KIAA1958: variants seen among roughly 807,000 people sequenced by gnomAD.
KIAA1958 encodes KIAA1958.
In KIAA1958, 14 loss-of-function variants were observed where a neutral mutation model predicts 47.2. The observed-to-expected ratio is 0.30, with a 90% confidence interval of 0.20 to 0.46. The LOEUF is 0.46. KIAA1958 is among the 20% of genes least tolerant of loss of function. The pLI is 1.00. For missense variants in KIAA1958, 803 were observed against 909.2 expected, an observed-to-expected ratio of 0.88 and a Z score of 1.50; for synonymous variants, 354 against 353.3, an observed-to-expected ratio of 1.00 and a Z score of -0.02.
intron 1 of KIAA1958, among the ~76,000 whole-genome samples, chr9:112,510,837 TAAG>T (rs770353874): frequency 1.3e-5 from 2 of 152,038 alleles, no homozygotes; most frequent in Non-Finnish European, 2.9e-5. Context: ...GCTTTTCTAA[TAAG>T]GAGACACTTA....
At chr9:112,624,760 T>C (rs1564194106) in intron 2 of KIAA1958, among the ~76,000 whole-genome samples, 2 of 152,130 alleles carry the variant, frequency 1.3e-5, no homozygotes, top group Admixed American at 6.5e-5. Context: ...AGAACCAGAG[T>C]ATTAATTAGG....
At chr9:112,533,446 G>A (rs1834788636) in intron 1 of KIAA1958, among the ~76,000 whole-genome samples, 1 of 151,398 alleles carries the variant, frequency 6.6e-6, no homozygotes, top group Non-Finnish European at 1.5e-5. Flanking sequence ...GCCAGGCGTG[G>A]TGGTGGGTGC....
At chr9:112,546,979 C>T (rs6477955) in intron 1 of KIAA1958, among the ~76,000 whole-genome samples, 150,442 of 151,720 alleles carry the variant, frequency 0.99, 74,591 homozygotes, top group East Asian at 1. Context: ...GTCCCGTCTG[C>T]TGCCCAAGCT....
Position 112,660,682 on chromosome 9 carries a change from A to G in KIAA1958, c.*613A>G, listed in dbSNP as rs909865397. 1 of 152,802 alleles carries G rather than the reference A, an allele frequency of 6.5e-6. No homozygotes were observed. The highest frequency in any genetic ancestry group is 2.4e-5 in the African/African-American group (1 of 41,444). 9.5% of individuals were successfully genotyped at this position (152,802 alleles called of 1,614,324 possible). ...GACTTGGGCTGCTCCCACGGCTCCC[A>G]GCAGCGGTAGGAACCCCATCTCGGC... On this transcript the variant is annotated 3_prime_UTR_variant, in exon 4 of 4. Coordinates refer to ENST00000337530, the MANE Select transcript of KIAA1958 (RefSeq NM_133465.4).
rs958301977 is a variant in KIAA1958, at chr9:112,662,543, C to G, written c.*2474C>G. ...TGGCGCGTGGCTCACGCCTATAATC[C>G]CAGCACTTTGGGAGGCCAAGGTGGG... is the stretch of plus-strand genomic sequence containing the variant. On this transcript the variant is annotated 3_prime_UTR_variant, in exon 4 of 4. Coordinates refer to ENST00000337530, the MANE Select transcript of KIAA1958 (RefSeq NM_133465.4). 1 of 152,344 alleles carries G rather than the reference C, an allele frequency of 6.6e-6. No homozygotes were observed. The highest frequency in any genetic ancestry group is 1.5e-5 in the Non-Finnish European group (1 of 68,174). 9.4% of individuals were successfully genotyped at this position (152,344 alleles called of 1,614,324 possible).
intron 2 of KIAA1958, among the ~76,000 whole-genome samples, chr9:112,599,242 G>T (rs1836087851): frequency 6.6e-6 from 1 of 151,978 alleles, no homozygotes; most frequent in Admixed American, 6.5e-5. Context: ...TTGCTTTTAT[G>T]ATAAAACTAA....
chr9:112,490,401 A>G (rs1414729559), intron 1 of KIAA1958, among the ~76,000 whole-genome samples: 3 of 152,132 alleles, frequency 2.0e-5, no homozygotes, highest in African/African-American at 7.2e-5. Context: ...CTTACGTGAT[A>G]CTTCTTGACT....
intron 3 of KIAA1958, among the ~76,000 whole-genome samples, chr9:112,653,481 C>G (rs1458558553): frequency 6.6e-6 from 1 of 152,174 alleles, no homozygotes; most frequent in African/African-American, 2.4e-5. Flanking sequence ...CCCTACTAGT[C>G]TCACTTGGGG....
At chr9:112,556,619 G>T (rs1171207399) in intron 1 of KIAA1958, among the ~76,000 whole-genome samples, 9 of 152,214 alleles carry the variant, frequency 5.9e-5, no homozygotes, top group Non-Finnish European at 1.3e-4. Flanking sequence ...ACAGGCGTGA[G>T]CCACTGAGTC....
intron 1 of KIAA1958, among the ~76,000 whole-genome samples, chr9:112,505,316 A>G (rs1834214224): frequency 6.6e-6 from 1 of 152,170 alleles, no homozygotes; most frequent in Non-Finnish European, 1.5e-5. Context: ...TCTGGCCCTT[A>G]TTAGTACATA....
chr9:112,512,859 A>G (rs564392633), intron 1 of KIAA1958, among the ~76,000 whole-genome samples: 2 of 151,906 alleles, frequency 1.3e-5, no homozygotes, highest in South Asian at 4.2e-4. Context: ...TTTTTTTGAG[A>G]CAGAGCCTCA....
intron 2 of KIAA1958, among the ~76,000 whole-genome samples, chr9:112,644,750 T>A (rs2131242356): frequency 6.6e-6 from 1 of 152,248 alleles, no homozygotes; most frequent in East Asian, 1.9e-4. Flanking sequence ...CACTTGACCT[T>A]CCCTTCTGAT....
intron 1 of KIAA1958, among the ~76,000 whole-genome samples, chr9:112,502,773 A>G (rs950855943): frequency 2.0e-5 from 3 of 152,240 alleles, no homozygotes; most frequent in African/African-American, 7.2e-5. Context: ...GAGATCTTGC[A>G]AAGCAGAAAA....
intron 1 of KIAA1958, among the ~76,000 whole-genome samples, chr9:112,517,450 C>T (rs557839920): frequency 1.8e-4 from 28 of 152,034 alleles, no homozygotes; most frequent in African/African-American, 6.0e-4. Flanking sequence ...AAAGTTAAAA[C>T]GGATGATAGG....
chr9:112,617,069 A>G (rs1836419242), intron 2 of KIAA1958, among the ~76,000 whole-genome samples: 2 of 152,242 alleles, frequency 1.3e-5, no homozygotes, highest in African/African-American at 4.8e-5. Context: ...ATGATCCAAA[A>G]CAGAAAGAGG....
intron 1 of KIAA1958, among the ~76,000 whole-genome samples, chr9:112,559,072 A>G (rs1378882674): frequency 6.6e-6 from 1 of 152,218 alleles, no homozygotes; most frequent in Admixed American, 6.5e-5. Context: ...TTTGTAAAAC[A>G]TAGTAGTTTT....
chr9:112,524,140 A>G (rs1834601349), intron 1 of KIAA1958, among the ~76,000 whole-genome samples: 1 of 152,258 alleles, frequency 6.6e-6, no homozygotes, highest in Admixed American at 6.5e-5. Flanking sequence ...GTTCTGAGGG[A>G]TCAATACAGT....
intron 1 of KIAA1958, among the ~76,000 whole-genome samples, chr9:112,512,240 A>T (rs144119430): frequency 3.3e-5 from 5 of 152,370 alleles, no homozygotes; most frequent in Non-Finnish European, 5.9e-5. Flanking sequence ...TCTCATAAAC[A>T]TGGCTCTAAA....
At chr9:112,529,468 T>A (rs1475604950) in intron 1 of KIAA1958, among the ~76,000 whole-genome samples, 1 of 152,236 alleles carries the variant, frequency 6.6e-6, no homozygotes. Context: ...CACCTTAGGA[T>A]CCTCTGAGCT....
Sources: allele counts gnomAD v4.1 joint callset (sites outside exome capture counted in the v4.1 genomes callset), GRCh38; gene constraint gnomAD v4.1.1; transcripts MANE v1.5; gene names NCBI Gene and HGNC (gene_info 2026-07-23, HGNC 2026-07-21).